The following DAOA variants were observed in gnomAD, a reference collection of about 807,000 sequenced individuals.
DAOA encodes D-amino acid oxidase activator.
A neutral mutation model predicts 16.4 loss-of-function variants in DAOA; 15 were observed. The ratio of observed to expected loss-of-function variants is 0.91; its 90% CI spans 0.61 to 1.41. The LOEUF (loss-of-function observed/expected upper bound fraction) is 1.41. DAOA is among the 40% of genes most tolerant of loss of function. DAOA has a pLI of 0.00. For missense variants in DAOA, 230 were observed against 176.8 expected, an observed-to-expected ratio of 1.30 and a Z score of -1.71; for synonymous variants, 75 against 59.1, an observed-to-expected ratio of 1.27 and a Z score of -1.23.
Position 105,466,347 on chromosome 13 carries a change from GT to G in DAOA, c.44+21del, listed in dbSNP as rs1566370977. ...CAGCTTTTCAGGTAGGTAGCTTGGG[GT>G]TTTTTACAGCATGGCGGCCTCAGTG... On this transcript the variant is annotated intron_variant, in intron 2 of 5. Coordinates refer to ENST00000375936, the MANE Select transcript of DAOA (RefSeq NM_172370.5). 6.2e-7 allele frequency: 1 copy of G among 1,613,912 alleles called. No individual in the cohort carries two copies. Among genetic ancestry groups the G allele is most frequent in the Non-Finnish European group, 8.5e-7 (1 of 1,179,904 alleles).
chr13:105,484,872 C>A (rs1878005985), intron 4 of DAOA, among the ~76,000 whole-genome samples: 1 of 152,078 alleles, frequency 6.6e-6, no homozygotes, highest in Non-Finnish European at 1.5e-5. Flanking sequence ...ACAATATTGT[C>A]TTTTACCTGA....
intron 4 of DAOA, among the ~76,000 whole-genome samples, chr13:105,482,552 C>T (rs1432885040): frequency 1.3e-5 from 2 of 151,078 alleles, no homozygotes; most frequent in African/African-American, 2.4e-5. Context: ...CTCTGTCACC[C>T]AAGCTGGAGT....
In DAOA at chr13:105,466,206, G is replaced by A; in HGVS notation, c.-73-10G>A. The A allele has an allele frequency of 6.2e-7, 1 of 1,601,874 alleles. No individual in the cohort carries two copies. Among genetic ancestry groups the A allele is most frequent in the Non-Finnish European group, 8.5e-7 (1 of 1,173,296 alleles). On this transcript the variant is annotated splice_polypyrimidine_tract_variant and intron_variant, in intron 1 of 5. Coordinates refer to ENST00000375936, the MANE Select transcript of DAOA (RefSeq NM_172370.5). The stretch of plus-strand genomic sequence containing the variant: ...GCTTACTAGTGTATATGATGATTCT[G>A]TTGGTCCAGGATTTGGAAAGGGCAT...
chr13:105,486,721 C>T (rs767094047), intron 4 of DAOA, among the ~76,000 whole-genome samples: 2 of 151,728 alleles, frequency 1.3e-5, no homozygotes, highest in South Asian at 2.1e-4. Context: ...CAGGTTCAAG[C>T]GATTCTCCTG....
intron 4 of DAOA, among the ~76,000 whole-genome samples, chr13:105,483,735 A>G (rs1877912564): frequency 6.6e-6 from 1 of 151,952 alleles, no homozygotes; most frequent in South Asian, 2.1e-4. Flanking sequence ...TTCTGGATAC[A>G]AATCTTATAT....
At chr13:105,466,485 C>A in intron 2 of DAOA, 153 bp downstream of exon 2, 1 of 1,264,176 alleles carries the variant, frequency 7.9e-7, no homozygotes. Context: ...TTCAGCCTTA[C>A]TTTCTCCCAT....
chr13:105,470,757 A>C (rs1010835027), intron 3 of DAOA, among the ~76,000 whole-genome samples: 7 of 151,312 alleles, frequency 4.6e-5, no homozygotes, highest in Admixed American at 3.3e-4. Context: ...CTACAGGCAC[A>C]CACCACCACA....
At chr13:105,474,890 TA>T in intron 4 of DAOA, 1 of 495,306 alleles carries the variant, frequency 2.0e-6, no homozygotes, top group Non-Finnish European at 2.6e-6. Flanking sequence ...TTTTAAAAAG[TA>T]AAAGACAAAC....
intron 3 of DAOA, among the ~76,000 whole-genome samples, chr13:105,470,982 G>T (rs368571855): frequency 1.3e-5 from 2 of 152,086 alleles, no homozygotes; most frequent in East Asian, 3.9e-4. Context: ...TACAGATGGG[G>T]TTTCATCGTG....
intron 4 of DAOA, among the ~76,000 whole-genome samples, chr13:105,488,338 A>G (rs1014462541): frequency 6.6e-6 from 1 of 152,190 alleles, no homozygotes; most frequent in Non-Finnish European, 1.5e-5. Context: ...AACTCAAAAG[A>G]TGAATGAAGC....
intron 4 of DAOA, among the ~76,000 whole-genome samples, chr13:105,488,735 AAGGATTAGGTT>A (rs1267924446): frequency 9.8e-5 from 15 of 152,324 alleles, no homozygotes; most frequent in African/African-American, 3.1e-4. Context: ...TAGCCTTCTA[AAGGATTAGGTT>A]AGGATCAGGC....
At chr13:105,490,262 T>C in intron 5 of DAOA, 70 bp downstream of exon 5, 2 of 776,462 alleles carry the variant, frequency 2.6e-6, no homozygotes, top group Non-Finnish European at 3.3e-6. Context: ...AATTATATTT[T>C]TATGAAGATT....
rs751993855 is a variant in DAOA at position 105,472,565 on chromosome 13, C to T, written c.161C>T (p.Thr54Met). 3.1e-5 allele frequency: 50 copies of T among 1,613,590 alleles called. No individual in the cohort carries two copies. The highest frequency in any genetic ancestry group is 1.5e-4 in the Admixed American group (9 of 59,964). The change falls in exon 4 of 6, where the codon ACG (threonine) becomes ATG (methionine). Residue 54 changes from threonine to methionine, a missense_variant. Coordinates refer to ENST00000375936, the MANE Select transcript of DAOA (RefSeq NM_172370.5). ...AAGGAGACAGAAGAAGGAAGAGAGA[C>T]GGTAACAAGGAAAGAAGGATGGAAG... ...IAKETEEGRETVTRKEGWKRR... is the reference protein window; with the variant it reads ...IAKETEEGREMVTRKEGWKRR...
intron 5 of DAOA, 97 bp from the exon 6 acceptor site, chr13:105,490,815 G>C (rs1878465559): frequency 6.6e-6 from 1 of 151,700 alleles, no homozygotes; most frequent in Admixed American, 6.6e-5. Flanking sequence ...GAACCCATAA[G>C]TTTATTTTAA....
At chr13:105,467,897 A>T (rs1215616985) in intron 3 of DAOA, among the ~76,000 whole-genome samples, 1 of 152,168 alleles carries the variant, frequency 6.6e-6, no homozygotes, top group Non-Finnish European at 1.5e-5. Context: ...AAACAAGCAC[A>T]TTCATTATTT....
chr13:105,484,498 G>A (rs1877975663), intron 4 of DAOA, among the ~76,000 whole-genome samples: 1 of 151,962 alleles, frequency 6.6e-6, no homozygotes, highest in African/African-American at 2.4e-5. Context: ...TTTTTCCTTA[G>A]TGTTTTCTAT....
At chr13:105,481,616 T>C (rs1345990606) in intron 4 of DAOA, among the ~76,000 whole-genome samples, 1 of 152,144 alleles carries the variant, frequency 6.6e-6, no homozygotes, top group African/African-American at 2.4e-5. Context: ...GATCCAGCAT[T>C]CAAACCCATC....
At chr13:105,466,464 C>G (rs1180942500) in intron 2 of DAOA, 132 bp downstream of exon 2, 1 of 1,443,156 alleles carries the variant, frequency 6.9e-7, no homozygotes, top group Admixed American at 1.9e-5. Flanking sequence ...AAGCCTGAGC[C>G]CAGTATATGG....
intron 4 of DAOA, among the ~76,000 whole-genome samples, chr13:105,479,952 G>A (rs1033319317): frequency 3.9e-5 from 6 of 152,188 alleles, no homozygotes; most frequent in African/African-American, 1.4e-4. Flanking sequence ...CAGAAACAAA[G>A]CAAGATAAAT....
Sources: gnomAD v4.1 joint callset for allele counts (sites outside exome capture counted in the v4.1 genomes callset) on GRCh38, gnomAD v4.1.1 for gene constraint, MANE v1.5 for transcripts, NCBI Gene and HGNC (gene_info 2026-07-23, HGNC 2026-07-21) for gene names.